The following COL3A1 variants were observed in gnomAD, a reference collection of about 807,000 sequenced individuals.
The protein encoded by COL3A1 is collagen type III alpha 1 chain, also known as collagen alpha-1(III) chain.
Under a neutral mutation model 200.9 loss-of-function variants are expected in COL3A1, and 46 were observed. The observed-to-expected ratio is 0.23, with a 90% CI of 0.18 to 0.29. The LOEUF is 0.29. COL3A1 is among the 10% of genes least tolerant of loss of function. The probability of loss-of-function intolerance (pLI) is 1.00; values close to 1 mark genes in which losing one functional copy is unlikely to be tolerated. For synonymous variants in COL3A1, 650 were observed against 628.0 expected (o/e 1.03, Z -0.52); for missense variants, 1,367 against 1,917.6 (o/e 0.71, Z 5.36).
intron 7 of COL3A1, 133 bp downstream of exon 7, chr2:188,988,776 C>T: frequency 1.5e-6 from 1 of 652,684 alleles, no homozygotes; most frequent in Non-Finnish European, 2.7e-6. Flanking sequence ...TAACGAATAG[C>T]ATTTTATTGA....
chr2:188,995,857 C>G (rs753789991), intron 22 of COL3A1, 67 bp downstream of exon 22: 1 of 1,337,878 alleles, frequency 7.5e-7, no homozygotes, highest in Non-Finnish European at 1.0e-6. Flanking sequence ...CAAATGAAGA[C>G]AGATCAAAAG....
At chr2:188,983,386 G>A (rs1687995644) in intron 1 of COL3A1, among the ~76,000 whole-genome samples, 1 of 151,982 alleles carries the variant, frequency 6.6e-6, no homozygotes. Context: ...AAATGGAAAT[G>A]AGGTGGGGAA....
chr2:189,001,493 C>T (rs573775673), intron 33 of COL3A1, 43 bp downstream of exon 33: 2 of 1,613,844 alleles, frequency 1.2e-6, no homozygotes, highest in Admixed American at 1.7e-5. Flanking sequence ...AAATGTCTCT[C>T]TCTTTTGGAT....
At chr2:189,000,045 T>C (rs1688422540) in intron 32 of COL3A1, 150 bp downstream of exon 32, 2 of 805,072 alleles carry the variant, frequency 2.5e-6, no homozygotes, top group African/African-American at 1.7e-5. Context: ...TATAATGAAA[T>C]TTGTGGTCTA....
intron 14 of COL3A1, among the ~76,000 whole-genome samples, chr2:188,992,570 T>A (rs1688211127): frequency 6.6e-6 from 1 of 152,086 alleles, no homozygotes; most frequent in African/African-American, 2.4e-5. Flanking sequence ...CATGGCACTT[T>A]AAAGAGTCCT....
At chr2:188,989,997 G>C (rs1013917011) in intron 8 of COL3A1, 99 bp from the exon 9 acceptor site, 3 of 1,104,204 alleles carry the variant, frequency 2.7e-6, no homozygotes, top group Non-Finnish European at 4.2e-6. Flanking sequence ...ATTTTAATGA[G>C]TCCTTTGTGA....
chr2:188,980,422 T>TTGA (rs1687928247), intron 1 of COL3A1, among the ~76,000 whole-genome samples: 5 of 56,956 alleles, frequency 8.8e-5, no homozygotes, highest in Admixed American at 1.6e-4. Flanking sequence ...AAAAGATTAA[T>TTGA]CTTTTAGACA....
At chr2:188,992,018 A>T (rs1426852683) in intron 13 of COL3A1, among the ~76,000 whole-genome samples, 166 bp from the exon 14 acceptor site, 2 of 152,190 alleles carry the variant, frequency 1.3e-5, no homozygotes, top group Non-Finnish European at 2.9e-5. Flanking sequence ...TTGTTGCTGT[A>T]TATATCAGAA....
In COL3A1 at chr2:189,010,227, G is replaced by C; in HGVS notation, c.3873G>C (p.Lys1291Asn). The stretch of plus-strand genomic sequence containing the variant: ...AAGGATGCAAATTGGATGCTATCAA[G>C]GTATTCTGTAATATGGAAACTGGGG... ...PNQGCKLDAI[K>N]VFCNMETGET... is the part of the protein sequence containing the mutation. Residue 1291 changes from lysine to asparagine, a missense_variant, in exon 49 of 51, where the codon AAG becomes AAC. Physicochemically the swap from Lys to Asn is moderately conservative, Grantham distance 94. Coordinates refer to ENST00000304636, the MANE Select transcript of COL3A1 (RefSeq NM_000090.4). The C allele has an allele frequency of 1.2e-6, 2 of 1,614,116 alleles. No homozygotes were observed. Among genetic ancestry groups the C allele is most frequent in the Non-Finnish European group, 1.7e-6 (2 of 1,180,018 alleles).
At chr2:189,008,901 G>A in intron 47 of COL3A1, 23 bp from the exon 48 acceptor site, 1 of 1,612,096 alleles carries the variant, frequency 6.2e-7, no homozygotes, top group Non-Finnish European at 8.5e-7. Context: ...ATACCTCAAT[G>A]ATCCATGTTT....
In COL3A1 at chr2:188,985,146, T is replaced by C. The variant is rs972525685; in HGVS notation, c.283-51T>C. On this transcript the variant is annotated intron_variant, in intron 2 of 50. Coordinates refer to ENST00000304636, the MANE Select transcript of COL3A1 (RefSeq NM_000090.4). Reference sequence around the variant, plus strand: ...ATTGGTTAGAATCTGGGTTACTAAATAATATGCAAATTCTGTGTCTTGTTT... The same window carrying C: ...ATTGGTTAGAATCTGGGTTACTAAACAATATGCAAATTCTGTGTCTTGTTT... 3.8e-6 allele frequency: 6 copies of C among 1,561,328 alleles called. No individual in the cohort carries two copies. In the African/African-American group the frequency reaches 8.1e-5, roughly 21 times the overall value.
chr2:188,979,838 C>T (rs905927720), intron 1 of COL3A1, among the ~76,000 whole-genome samples: 6 of 151,586 alleles, frequency 4.0e-5, no homozygotes, highest in African/African-American at 1.5e-4. Context: ...TAGAGAAAGC[C>T]TTCTTACACT....
intron 11 of COL3A1, among the ~76,000 whole-genome samples, 165 bp from the exon 12 acceptor site, chr2:188,991,322 G>A (rs1688183803): frequency 1.3e-5 from 2 of 151,978 alleles, no homozygotes; most frequent in African/African-American, 4.8e-5. Context: ...TTTAAATACA[G>A]AAATTGAGAT....
At chr2:189,005,787 A>T (rs1457702967) in intron 41 of COL3A1, among the ~76,000 whole-genome samples, 1 of 152,102 alleles carries the variant, frequency 6.6e-6, no homozygotes, top group East Asian at 1.9e-4. Flanking sequence ...ATTTTTAAAG[A>T]ATTTAAAATT....
intron 40 of COL3A1, among the ~76,000 whole-genome samples, chr2:189,004,742 A>C (rs2153503577): frequency 6.6e-6 from 1 of 152,206 alleles, no homozygotes; most frequent in East Asian, 1.9e-4. Flanking sequence ...CCATCCATTC[A>C]AGTCATCTTG....
intron 5 of COL3A1, among the ~76,000 whole-genome samples, chr2:188,987,534 C>T (rs561427984): frequency 6.6e-6 from 1 of 152,026 alleles, no homozygotes; most frequent in Non-Finnish European, 1.5e-5. Flanking sequence ...ATCTGTATTT[C>T]TGAACAATGA....
At chr2:188,985,022 C>T in intron 2 of COL3A1, 60 bp downstream of exon 2, 1 of 1,519,418 alleles carries the variant, frequency 6.6e-7, no homozygotes, top group Non-Finnish European at 9.1e-7. Context: ...TGAATAGCTC[C>T]TATATCATAG....
chr2:188,991,179 G>A (rs1487010180), intron 11 of COL3A1, 122 bp downstream of exon 11: 2 of 1,031,104 alleles, frequency 1.9e-6, no homozygotes, highest in South Asian at 1.4e-5. Context: ...TACCTATTAG[G>A]TGTGAATAAT....
chr2:188,994,598 A>G lies in COL3A1; in HGVS notation c.1347+4A>G, dbSNP rs777467344. ...GCCCGGACCACGTGGTGAACGCGTAAGTTTTACTGCAACAGATCTGGTTAT... is the reference window on the plus strand; with the variant it reads ...GCCCGGACCACGTGGTGAACGCGTAGGTTTTACTGCAACAGATCTGGTTAT... On this transcript the variant is annotated splice_donor_region_variant and intron_variant, in intron 19 of 50. Transcript: ENST00000304636. This position sits in a 1 kb window ranked among gnomAD's most constrained non-coding sequence, Gnocchi z 4.5. The G allele has an allele frequency of 6.2e-7, 1 of 1,614,056 alleles. No homozygotes were observed. The highest frequency in any genetic ancestry group is 1.3e-5 in the African/African-American group (1 of 74,922).
Sources: gnomAD v4.1 joint callset for allele counts (sites outside exome capture counted in the v4.1 genomes callset) on GRCh38, gnomAD v4.1.1 for gene constraint, Gnocchi (gnomAD v3.1) non-coding constraint, MANE v1.5 for transcripts, NCBI Gene and HGNC (gene_info 2026-07-23, HGNC 2026-07-21) for gene names.